Variants in CNKSR3 observed in about 807,000 individuals in gnomAD.
CNKSR3 encodes connector enhancer of kinase suppressor of ras 3.
Under a neutral mutation model 67.7 loss-of-function variants are expected in CNKSR3, and 36 were observed. The observed-to-expected ratio is 0.53, with a 90% CI of 0.41 to 0.70. The LOEUF is 0.70. Among genes scored for constraint, CNKSR3 ranks in the 30% least tolerant of loss-of-function variants. The pLI is 0.00. For missense variants in CNKSR3, 630 were observed against 695.2 expected, an observed-to-expected ratio of 0.91 and a Z score of 1.05; for synonymous variants, 281 against 271.4, an observed-to-expected ratio of 1.04 and a Z score of -0.35.
intron 4 of CNKSR3, among the ~76,000 whole-genome samples, chr6:154,440,046 A>G (rs1392280432): frequency 2.6e-5 from 4 of 152,206 alleles, no homozygotes; most frequent in African/African-American, 9.7e-5. Context: ...AACTGGTATC[A>G]GACTCTTTTT....
At chr6:154,497,936 C>T (rs113444298) in intron 1 of CNKSR3, among the ~76,000 whole-genome samples, 37 of 152,260 alleles carry the variant, frequency 2.4e-4, no homozygotes, top group East Asian at 1.9e-3. Context: ...GGGCACACTC[C>T]CTATTTTAGG....
intron 4 of CNKSR3, chr6:154,433,980 A>C (rs1363553399): frequency 6.5e-6 from 1 of 153,150 alleles, no homozygotes; most frequent in Non-Finnish European, 1.5e-5. Context: ...ACTCAGCCAC[A>C]AAAGTTTATT....
intron 6 of CNKSR3, among the ~76,000 whole-genome samples, chr6:154,428,604 A>C (rs1785302199): frequency 6.6e-6 from 1 of 152,076 alleles, no homozygotes; most frequent in African/African-American, 2.4e-5. Flanking sequence ...TGTAACCTTG[A>C]ACTCCTGGGC....
At chr6:154,479,891 T>A (rs1386267254) in intron 1 of CNKSR3, among the ~76,000 whole-genome samples, 2 of 152,318 alleles carry the variant, frequency 1.3e-5, no homozygotes, top group Middle Eastern at 3.4e-3. Context: ...TGTGAGTTTC[T>A]CCCAGCCCCC....
chr6:154,412,894 T>C (rs1243564460), intron 10 of CNKSR3, among the ~76,000 whole-genome samples: 1 of 152,192 alleles, frequency 6.6e-6, no homozygotes, highest in African/African-American at 2.4e-5. Context: ...CTGGCAGTTC[T>C]GTAGGGTCAA....
intron 1 of CNKSR3, among the ~76,000 whole-genome samples, chr6:154,464,921 C>G (rs1786162043): frequency 6.6e-6 from 1 of 151,466 alleles, no homozygotes; most frequent in Admixed American, 6.6e-5. Context: ...GTGGGTGGAT[C>G]AAGAGGTCAG....
intron 6 of CNKSR3, 106 bp from the exon 7 acceptor site, chr6:154,428,293 A>G: frequency 1.4e-6 from 1 of 733,758 alleles, no homozygotes; most frequent in Non-Finnish European, 2.4e-6. Flanking sequence ...CTTCAGAACA[A>G]TACTCATTTT....
At chr6:154,457,224 A>G (rs946036581) in intron 1 of CNKSR3, among the ~76,000 whole-genome samples, 1 of 152,196 alleles carries the variant, frequency 6.6e-6, no homozygotes, top group Non-Finnish European at 1.5e-5. Flanking sequence ...ATGTCAGGGC[A>G]TGCCAAAAGC....
chr6:154,423,224 G>C (rs886239123), intron 7 of CNKSR3, among the ~76,000 whole-genome samples: 13 of 152,156 alleles, frequency 8.5e-5, no homozygotes, highest in African/African-American at 2.9e-4. Context: ...GAACAGCCAG[G>C]TTCAGCTAAT....
intron 1 of CNKSR3, among the ~76,000 whole-genome samples, chr6:154,453,770 A>G (rs891366499): frequency 2.7e-4 from 41 of 152,324 alleles, no homozygotes; most frequent in African/African-American, 9.4e-4. Context: ...AATTTCTAGT[A>G]AACTGATCTA....
chr6:154,500,321 C>T (rs1024509876), intron 1 of CNKSR3, among the ~76,000 whole-genome samples: 8 of 151,882 alleles, frequency 5.3e-5, no homozygotes, highest in Admixed American at 1.3e-4. Flanking sequence ...CTGAATTTCC[C>T]CTTTCCACAA....
rs1784894417 is a variant in CNKSR3, at chr6:154,410,840, T to A, written c.1279+94A>T. 3 of 946,366 alleles carry A rather than the reference T, an allele frequency of 3.2e-6. No individual in the cohort carries two copies. The East Asian group carries it at 7.2e-5, about 23-fold the overall frequency. 58.6% of individuals were successfully genotyped at this position (946,366 alleles called of 1,614,324 possible). On this transcript the variant is annotated intron_variant, in intron 11 of 12. Coordinates refer to ENST00000607772, the MANE Select transcript of CNKSR3 (RefSeq NM_173515.4). ...TGTTTTCCTCAGATTACTCTTGAAGTCTGCCAAATTCATCCAACAGTTCCA... is the reference window on the plus strand; with the variant it reads ...TGTTTTCCTCAGATTACTCTTGAAGACTGCCAAATTCATCCAACAGTTCCA...
At position 154,397,750 on chromosome 6, in the gene CNKSR3, G is replaced by C. The variant is rs4512233; in HGVS notation, c.*8604C>G. 0.22 allele frequency: 33,372 copies of C among 150,166 alleles called. 4,208 individuals carry two copies. Among genetic ancestry groups the C allele is most frequent in the East Asian group, 0.36 (1,811 of 5,026 alleles). The allele number at this position is 150,166 out of a possible 1,614,324, so 9.3% of individuals were successfully genotyped here. Reference sequence around the variant, plus strand: ...CTGCGGCCATCACTAGGTGCACAGTGCAGTGGGGGTGTGTGAGATGCACAG... The same window carrying C: ...CTGCGGCCATCACTAGGTGCACAGTCCAGTGGGGGTGTGTGAGATGCACAG... On this transcript the variant is annotated 3_prime_UTR_variant, in exon 13 of 13. Coordinates refer to ENST00000607772, the MANE Select transcript of CNKSR3 (RefSeq NM_173515.4).
At chr6:154,444,459 C>T (rs1785664776) in intron 2 of CNKSR3, among the ~76,000 whole-genome samples, 2 of 151,970 alleles carry the variant, frequency 1.3e-5, no homozygotes, top group African/African-American at 2.4e-5. Context: ...TACAACCTGC[C>T]CAAAAAAGCG....
chr6:154,500,387 A>G (rs538998101), intron 1 of CNKSR3, among the ~76,000 whole-genome samples: 1 of 152,268 alleles, frequency 6.6e-6, no homozygotes, highest in African/African-American at 2.4e-5. Flanking sequence ...ATCCTCAGGA[A>G]AGCATGATTC....
chr6:154,418,272 C>T (rs1348616892), intron 9 of CNKSR3, among the ~76,000 whole-genome samples: 2 of 152,192 alleles, frequency 1.3e-5, no homozygotes, highest in Non-Finnish European at 2.9e-5. Flanking sequence ...TGCTGCCTCC[C>T]CGTCATCATT....
chr6:154,468,703 G>C (rs143034206), intron 1 of CNKSR3, among the ~76,000 whole-genome samples: 73 of 152,088 alleles, frequency 4.8e-4, no homozygotes, highest in African/African-American at 1.8e-3. Context: ...AAGAACGAAC[G>C]CCTCCCCACA....
intron 7 of CNKSR3, 143 bp from the exon 8 acceptor site, chr6:154,423,126 G>A (rs1785180045): frequency 3.5e-6 from 2 of 569,676 alleles, no homozygotes; most frequent in Admixed American, 3.2e-5. Context: ...TTATTCCCCT[G>A]AGACTACACA....
At chr6:154,444,280 G>A (rs1785661523) in intron 2 of CNKSR3, among the ~76,000 whole-genome samples, 1 of 152,182 alleles carries the variant, frequency 6.6e-6, no homozygotes, top group Non-Finnish European at 1.5e-5. Flanking sequence ...GCCCGTGAAG[G>A]TAGAAATGTT....
Sources: gnomAD v4.1 joint callset for allele counts (sites outside exome capture counted in the v4.1 genomes callset) on GRCh38, gnomAD v4.1.1 for gene constraint, MANE v1.5 for transcripts, NCBI Gene and HGNC (gene_info 2026-07-23, HGNC 2026-07-21) for gene names.